Variants in ABCC9 observed in about 807,000 individuals in gnomAD.
ABCC9 encodes ATP binding cassette subfamily C member 9.
In ABCC9, 95 loss-of-function variants were observed where a neutral mutation model predicts 188.3. The ratio of observed to expected loss-of-function variants is 0.50; its 90% confidence interval spans 0.43 to 0.60. The LOEUF (loss-of-function observed/expected upper bound fraction) is 0.60, where lower values mean the gene tolerates loss of function less well. ABCC9 is among the 20% of genes least tolerant of loss of function. The pLI is 0.00. For missense variants in ABCC9, 1,102 were observed against 1,876.3 expected, an observed-to-expected ratio of 0.59 and a Z score of 7.62; for synonymous variants, 659 against 652.7, an observed-to-expected ratio of 1.01 and a Z score of -0.15.
At chr12:21,826,940 T>A (rs1943414494) in intron 31 of ABCC9, among the ~76,000 whole-genome samples, 3 of 152,196 alleles carry the variant, frequency 2.0e-5, no homozygotes, top group African/African-American at 7.2e-5. Flanking sequence ...GGAAGGATTC[T>A]AATACACAGA....
At chr12:21,838,310 A>G (rs756073498) in intron 29 of ABCC9, 140 bp from the exon 30 acceptor site, 7 of 703,486 alleles carry the variant, frequency 1.0e-5, no homozygotes, top group Non-Finnish European at 1.8e-5. Context: ...TCAATTAACA[A>G]AAACTTCAAC....
At chr12:21,883,476 T>C (rs1946724088) in intron 15 of ABCC9, among the ~76,000 whole-genome samples, 1 of 152,196 alleles carries the variant, frequency 6.6e-6, no homozygotes, top group Non-Finnish European at 1.5e-5. Context: ...TTGTGAGGCC[T>C]CCCCAGCCAT....
intron 31 of ABCC9, among the ~76,000 whole-genome samples, chr12:21,819,246 C>T (rs1942878833): frequency 6.6e-6 from 1 of 152,144 alleles, no homozygotes; most frequent in South Asian, 2.1e-4. Flanking sequence ...CAGATATGCT[C>T]ACTTTCTAGA....
chr12:21,802,799 C>G (rs554972868), intron 39 of ABCC9, among the ~76,000 whole-genome samples: 3 of 152,108 alleles, frequency 2.0e-5, no homozygotes, highest in Admixed American at 1.3e-4. Context: ...ATTCCAAAGT[C>G]CTACCTAAAA....
chr12:21,878,613 C>T (rs1946481371), intron 16 of ABCC9, among the ~76,000 whole-genome samples: 1 of 152,076 alleles, frequency 6.6e-6, no homozygotes, highest in East Asian at 1.9e-4. Context: ...CTCACATCTA[C>T]AGTGAAGGTG....
intron 12 of ABCC9, among the ~76,000 whole-genome samples, chr12:21,896,640 C>T (rs113142980): frequency 0.024 from 3,628 of 152,098 alleles, 131 homozygotes; most frequent in African/African-American, 0.083. Context: ...TTCAACTCCC[C>T]CTTATAGGTG....
chr12:21,805,857 T>G, intron 39 of ABCC9, 141 bp downstream of exon 39: 1 of 824,000 alleles, frequency 1.2e-6, no homozygotes, highest in South Asian at 1.5e-5. Flanking sequence ...CTTCGTATTT[T>G]TTTTCTTTTT....
intron 22 of ABCC9, among the ~76,000 whole-genome samples, chr12:21,852,832 C>CA (rs1223293015): frequency 6.6e-6 from 1 of 151,990 alleles, no homozygotes; most frequent in Non-Finnish European, 1.5e-5. Context: ...GAAGTGCCTG[C>CA]AGGCAAAAAG....
At chr12:21,807,152 C>T (rs1941913670) in intron 38 of ABCC9, among the ~76,000 whole-genome samples, 194 bp downstream of exon 38, 1 of 152,132 alleles carries the variant, frequency 6.6e-6, no homozygotes, top group Non-Finnish European at 1.5e-5. Context: ...GATAGGAATG[C>T]CTTTCAACCA....
chr12:21,895,151 G>A (rs1483595740), intron 13 of ABCC9, 124 bp downstream of exon 13: 1 of 786,868 alleles, frequency 1.3e-6, no homozygotes, highest in African/African-American at 1.8e-5. Context: ...TTGCAATGGA[G>A]ACTGCCATAG....
intron 11 of ABCC9, 58 bp downstream of exon 11, chr12:21,908,019 T>C (rs1297075342): frequency 6.4e-7 from 1 of 1,550,850 alleles, no homozygotes; most frequent in African/African-American, 1.4e-5. Flanking sequence ...TCCTATATTA[T>C]AAAATTAAAA....
chr12:21,849,951 C>G (rs974201952), intron 24 of ABCC9, among the ~76,000 whole-genome samples: 1 of 151,692 alleles, frequency 6.6e-6, no homozygotes, highest in Admixed American at 6.6e-5. Context: ...TCCTGTTTAC[C>G]CCTTGATCCT....
rs373204318 is a variant in ABCC9, at chr12:21,910,991, G to A, written c.1012-13C>T. On this transcript the variant is annotated splice_polypyrimidine_tract_variant and intron_variant, in intron 8 of 39. Coordinates refer to ENST00000261200, the MANE Select transcript of ABCC9 (RefSeq NM_020297.4). Reference sequence around the variant, plus strand: ...GGGTTTCTGAAATCTGGTCCCCAAAGAAAAAAAGTGTCATATTAAAACTCG... The same window carrying A: ...GGGTTTCTGAAATCTGGTCCCCAAAAAAAAAAAGTGTCATATTAAAACTCG... 5.6e-6 allele frequency: 9 copies of A among 1,610,006 alleles called. No individual in the cohort carries two copies. The highest frequency in any genetic ancestry group is 1.1e-5 in the South Asian group (1 of 90,902).
chr12:21,905,925 C>T (rs1443405053), intron 12 of ABCC9, among the ~76,000 whole-genome samples: 2 of 152,090 alleles, frequency 1.3e-5, no homozygotes, highest in Non-Finnish European at 2.9e-5. Context: ...GACTCTAAAC[C>T]TGTGCTTACT....
intron 14 of ABCC9, among the ~76,000 whole-genome samples, chr12:21,890,967 TAATAATAATAAA>T (rs1234148929): frequency 2.0e-5 from 3 of 151,928 alleles, no homozygotes; most frequent in South Asian, 2.1e-4. Context: ...ACTTACAGTA[TAATAATAATAAA>T]ATTTAAAAAA....
At chr12:21,844,188 A>C (rs1460523581) in intron 28 of ABCC9, among the ~76,000 whole-genome samples, 3 of 152,198 alleles carry the variant, frequency 2.0e-5, no homozygotes, top group Non-Finnish European at 4.4e-5. Context: ...TGCTGATATG[A>C]CTTTAATCAA....
In ABCC9 at chr12:21,830,181, C is replaced by T. The variant is rs116326144; in HGVS notation, c.3567-1121G>A. Among the ~76,000 whole-genome samples the T allele has an allele frequency of 3.8e-3, 583 of 152,264 alleles. 4 individuals carry two copies. The highest frequency in any genetic ancestry group is 0.013 in the African/African-American group (560 of 41,550). On this transcript the variant is annotated intron_variant, in intron 30 of 39. Transcript: ENST00000261200. ...ATAAAACTGTTAGTAAAAGCCCTAT[C>T]CATTTAAACATCTGAGCCAATATCT...
chr12:21,939,587 C>T (rs564477815), intron 2 of ABCC9, among the ~76,000 whole-genome samples: 1 of 152,110 alleles, frequency 6.6e-6, no homozygotes, highest in Non-Finnish European at 1.5e-5. Context: ...TCCTTCAGCT[C>T]CACCCCTTCT....
intron 31 of ABCC9, among the ~76,000 whole-genome samples, chr12:21,825,779 AC>A (rs1333105681): frequency 6.6e-6 from 1 of 152,136 alleles, no homozygotes; most frequent in Non-Finnish European, 1.5e-5. Context: ...GTATCCCAGA[AC>A]TTAAAGTATA....
Sources: allele counts gnomAD v4.1 joint callset (sites outside exome capture counted in the v4.1 genomes callset), GRCh38; gene constraint gnomAD v4.1.1; transcripts MANE v1.5; gene names NCBI Gene and HGNC (gene_info 2026-07-23, HGNC 2026-07-21).